SAMD5: variants seen among roughly 807,000 people sequenced by gnomAD.
SAMD5 encodes sterile alpha motif domain containing 5.
In SAMD5, 13 loss-of-function variants were observed where a neutral mutation model predicts 11.3. The observed-to-expected ratio is 1.15, with a 90% CI of 0.75 to 1.83. SAMD5 has a LOEUF of 1.83. Among genes scored for constraint, SAMD5 ranks in the 40% most tolerant of loss-of-function variants. The pLI, the probability that SAMD5 is intolerant of heterozygous loss-of-function variation, is 0.00. For missense variants in SAMD5, 255 were observed against 239.1 expected (o/e 1.07, Z -0.44); for synonymous variants, 129 against 111.3 (o/e 1.16, Z -1.00).
intron 1 of SAMD5, among the ~76,000 whole-genome samples, chr6:147,632,392 G>A (rs780808183): frequency 6.6e-6 from 1 of 152,218 alleles, no homozygotes; most frequent in Non-Finnish European, 1.5e-5. Context: ...CCTTTTGCAA[G>A]AGTGAGGGCT....
the SAMD5 span, among the ~76,000 whole-genome samples, chr6:147,897,943 TAAAAAAAAAAAAAA>T: frequency 1.0e-3 from 93 of 89,602 alleles, 1 homozygote; most frequent in Admixed American, 2.1e-3. Context: ...AGATTTTTCT[TAAAAAAAAAAAAAA>T]AAAAAAAAAA....
chr6:147,876,610 C>A, the SAMD5 span, among the ~76,000 whole-genome samples: 1 of 152,250 alleles, frequency 6.6e-6, no homozygotes, highest in East Asian at 1.9e-4. Flanking sequence ...AAAATAAATT[C>A]TATTATCTGC....
At chr6:147,795,023 TA>T in the SAMD5 span, among the ~76,000 whole-genome samples, 2 of 151,508 alleles carry the variant, frequency 1.3e-5, no homozygotes, top group African/African-American at 2.4e-5. Flanking sequence ...TGGGACTCAT[TA>T]AAAAAAATGA....
chr6:147,934,102 C>G, the SAMD5 span, among the ~76,000 whole-genome samples: 2 of 152,100 alleles, frequency 1.3e-5, no homozygotes, highest in African/African-American at 4.8e-5. Flanking sequence ...CATATTTATC[C>G]TTGTATTATA....
rs1377585158 is a variant in SAMD5, at chr6:147,565,420, T to C, written c.*964T>C. The C allele has an allele frequency of 1.0e-6, 1 of 985,404 alleles. No homozygotes were observed. The highest frequency in any genetic ancestry group is 1.7e-5 in the African/African-American group (1 of 57,270). The allele number at this position is 985,404 out of a possible 1,614,324, so 61.0% of individuals were successfully genotyped here. A position where few individuals can be genotyped will look rare whatever the true frequency, so the allele number is the denominator to read the frequency against. ...GAAATTAACAGGAATCTAGAGTTTT[T>C]CTAATTCTTATCGTCTTATCGTTCT... On this transcript the variant is annotated 3_prime_UTR_variant, in exon 2 of 2. Coordinates refer to ENST00000367474, the MANE Select transcript of SAMD5 (RefSeq NM_001030060.3).
At chr6:147,551,718 G>A (rs1330898792) in intron 1 of SAMD5, among the ~76,000 whole-genome samples, 2 of 151,028 alleles carry the variant, frequency 1.3e-5, no homozygotes, top group Admixed American at 6.6e-5. Flanking sequence ...GCAGTAATGT[G>A]AAAGGTTATT....
the SAMD5 span, among the ~76,000 whole-genome samples, chr6:147,867,450 T>C: frequency 2.0e-5 from 3 of 152,074 alleles, no homozygotes; most frequent in Admixed American, 6.6e-5. Flanking sequence ...TTAGAAATAA[T>C]ATGTAAAATG....
chr6:147,568,319 G>A lies in SAMD5; in HGVS notation c.*3863G>A, dbSNP rs537599406. On this transcript the variant is annotated 3_prime_UTR_variant, in exon 2 of 2. Coordinates refer to ENST00000367474, the MANE Select transcript of SAMD5 (RefSeq NM_001030060.3). ...TTTCCCTTATAAGAGCCTGAGTATT[G>A]TAACAGGTCTCTTGCACAGGGGGTT... is the stretch of plus-strand genomic sequence containing the variant. The A allele has an allele frequency of 2.0e-6, 2 of 985,152 alleles. No individual in the cohort carries two copies. The highest frequency in any genetic ancestry group is 1.7e-5 in the African/African-American group (1 of 57,222). The allele number at this position is 985,152 out of a possible 1,614,324, so 61.0% of individuals were successfully genotyped here.
chr6:147,820,634 A>G, the SAMD5 span, among the ~76,000 whole-genome samples: 1 of 152,218 alleles, frequency 6.6e-6, no homozygotes, highest in African/African-American at 2.4e-5. Flanking sequence ...TCTGAACAAA[A>G]GGGCTTCTAT....
At chr6:147,856,006 C>A in the SAMD5 span, among the ~76,000 whole-genome samples, 1 of 152,068 alleles carries the variant, frequency 6.6e-6, no homozygotes, top group African/African-American at 2.4e-5. Flanking sequence ...TTTGTAATAA[C>A]CAAAACCTGG....
the SAMD5 span, among the ~76,000 whole-genome samples, chr6:147,858,201 A>G: frequency 3.9e-5 from 6 of 152,224 alleles, no homozygotes; most frequent in East Asian, 1.9e-4. Flanking sequence ...GATATTTCCT[A>G]AATGAACCCG....
At chr6:147,774,834 C>T in the SAMD5 span, among the ~76,000 whole-genome samples, 195 of 152,184 alleles carry the variant, frequency 1.3e-3, 1 homozygote, top group African/African-American at 4.5e-3. Flanking sequence ...TGCAATTTTA[C>T]GGTTGAATTT....
At chr6:147,892,171 C>T in the SAMD5 span, among the ~76,000 whole-genome samples, 1 of 152,174 alleles carries the variant, frequency 6.6e-6, no homozygotes, top group African/African-American at 2.4e-5. Context: ...TTCTTTCATC[C>T]TTTTATTCAT....
the SAMD5 span, among the ~76,000 whole-genome samples, chr6:147,833,975 A>G: frequency 4.6e-5 from 7 of 152,208 alleles, no homozygotes; most frequent in Non-Finnish European, 7.3e-5. Context: ...TTAACTTTCA[A>G]TTTCATGAAT....
intron 1 of SAMD5, among the ~76,000 whole-genome samples, chr6:147,509,595 C>T (rs1165550999): frequency 6.6e-6 from 1 of 152,112 alleles, no homozygotes; most frequent in Non-Finnish European, 1.5e-5. Context: ...GACAAGCCCC[C>T]GCATCCAGAT....
chr6:147,886,878 G>A, the SAMD5 span, among the ~76,000 whole-genome samples: 1 of 152,156 alleles, frequency 6.6e-6, no homozygotes, highest in African/African-American at 2.4e-5. Flanking sequence ...ACAGCTACAA[G>A]CTATGAGGAG....
chr6:147,556,625 C>T (rs573481906), intron 1 of SAMD5, among the ~76,000 whole-genome samples: 9 of 152,126 alleles, frequency 5.9e-5, no homozygotes, highest in Non-Finnish European at 1.2e-4. Context: ...CAAAAAGTTT[C>T]CCAGGTTGGG....
At chr6:147,872,521 A>G in the SAMD5 span, among the ~76,000 whole-genome samples, 1 of 152,210 alleles carries the variant, frequency 6.6e-6, no homozygotes, top group Non-Finnish European at 1.5e-5. Flanking sequence ...CATTTTACAA[A>G]TGAGGAAACA....
chr6:147,514,088 A>G (rs573646867), intron 1 of SAMD5, among the ~76,000 whole-genome samples: 15 of 152,220 alleles, frequency 9.9e-5, no homozygotes, highest in Non-Finnish European at 1.8e-4. Flanking sequence ...AGTATATCTG[A>G]GTGTGAATGG....
Sources: gnomAD v4.1 joint callset for allele counts (sites outside exome capture counted in the v4.1 genomes callset) on GRCh38, gnomAD v4.1.1 for gene constraint, MANE v1.5 for transcripts, NCBI Gene and HGNC (gene_info 2026-07-23, HGNC 2026-07-21) for gene names.